CALCB: variants seen among roughly 807,000 people sequenced by gnomAD.
CALCB encodes the protein calcitonin gene-related peptide 2.
Under a neutral mutation model 10.7 loss-of-function variants are expected in CALCB, and 8 were observed. The ratio of observed to expected loss-of-function variants is 0.75; its 90% CI spans 0.44 to 1.34. The LOEUF (loss-of-function observed/expected upper bound fraction) is 1.34, where lower values mean the gene tolerates loss of function less well. Ranked by LOEUF, CALCB falls within the 40% of genes most tolerant of loss-of-function variation. The probability of loss-of-function intolerance (pLI) is 0.01; values close to 1 mark genes in which losing one functional copy is unlikely to be tolerated. For synonymous variants in CALCB, 76 were observed against 66.9 expected, an observed-to-expected ratio of 1.14 and a Z score of -0.66; for missense variants, 176 against 162.5, an observed-to-expected ratio of 1.08 and a Z score of -0.45.
At chr11:15,074,276 C>T (rs1850374018) in intron 1 of CALCB, among the ~76,000 whole-genome samples, 2 of 152,238 alleles carry the variant, frequency 1.3e-5, no homozygotes, top group African/African-American at 2.4e-5. Flanking sequence ...GAGAAATGAG[C>T]GCTCCTTTCC....
chr11:15,074,824 G>A lies in CALCB; in HGVS notation c.86+20G>A. ...ATTCAGGTGAGACAGCCTGGAGCCAGAGGCGCCTTCTGCTCCCACTGCCCC... is the reference window on the plus strand; with the variant it reads ...ATTCAGGTGAGACAGCCTGGAGCCAAAGGCGCCTTCTGCTCCCACTGCCCC... On this transcript the variant is annotated intron_variant, in intron 2 of 4. Coordinates refer to ENST00000324229, the MANE Select transcript of CALCB (RefSeq NM_000728.4). 3 of 1,603,868 alleles carry A rather than the reference G, an allele frequency of 1.9e-6. No homozygotes were observed. Among genetic ancestry groups the A allele is most frequent in the South Asian group, 1.1e-5 (1 of 90,236 alleles).
intron 3 of CALCB, among the ~76,000 whole-genome samples, chr11:15,075,548 T>A (rs1850387132): frequency 6.6e-6 from 1 of 152,162 alleles, no homozygotes; most frequent in African/African-American, 2.4e-5. Context: ...CTGGGAGATC[T>A]CCTAGCATTG....
chr11:15,076,171 T>C (rs58858617), intron 3 of CALCB, among the ~76,000 whole-genome samples: 11,814 of 152,216 alleles, frequency 0.078, 475 homozygotes, highest in Non-Finnish European at 0.089. Context: ...CCCTTGCAGC[T>C]TGAGCAGTCC....
intron 3 of CALCB, among the ~76,000 whole-genome samples, chr11:15,075,840 C>A (rs1227996514): frequency 6.6e-6 from 1 of 152,148 alleles, no homozygotes; most frequent in Non-Finnish European, 1.5e-5. Flanking sequence ...TGAGCCTGAG[C>A]AGAGACCAAC....
At chr11:15,076,894 CTTCT>C (rs1002148091) in intron 3 of CALCB, among the ~76,000 whole-genome samples, 1 of 152,180 alleles carries the variant, frequency 6.6e-6, no homozygotes, top group African/African-American at 2.4e-5. Context: ...GTTCTCTGAG[CTTCT>C]TCTGAAGACT....
At chr11:15,077,535 A>G in intron 4 of CALCB, 65 bp downstream of exon 4, 1 of 1,504,506 alleles carries the variant, frequency 6.6e-7, no homozygotes, top group Non-Finnish European at 9.0e-7. Context: ...TACATTTTGA[A>G]AACCTCTGCT....
chr11:15,077,580 C>T, intron 4 of CALCB, 110 bp downstream of exon 4: 1 of 1,097,088 alleles, frequency 9.1e-7, no homozygotes, highest in Non-Finnish European at 1.3e-6. Context: ...TGTCCAGTTA[C>T]ATTGTTCCTC....
rs774965950 is a variant in CALCB, at chr11:15,074,848, C to G, written c.86+44C>G. ...AGAGGCGCCTTCTGCTCCCACTGCC[C>G]CTAGGACCAGACAGCTCTGTGCCTC... On this transcript the variant is annotated intron_variant, in intron 2 of 4. Coordinates refer to ENST00000324229, the MANE Select transcript of CALCB (RefSeq NM_000728.4). 36 of 1,544,716 alleles carry G rather than the reference C, an allele frequency of 2.3e-5. No homozygotes were observed. The South Asian group carries it at 4.1e-4, about 18-fold the overall frequency.
At chr11:15,074,980 G>A (rs1275123780) in intron 2 of CALCB, 81 bp from the exon 3 acceptor site, 2 of 1,560,796 alleles carry the variant, frequency 1.3e-6, no homozygotes, top group South Asian at 1.1e-5. Context: ...AAGAAGCAGA[G>A]ACCAGGAAGC....
chr11:15,075,691 G>A (rs1850388102), intron 3 of CALCB, among the ~76,000 whole-genome samples: 1 of 152,194 alleles, frequency 6.6e-6, no homozygotes, highest in South Asian at 2.1e-4. Flanking sequence ...AGGTGAAGAT[G>A]AAGCCCTTGC....
chr11:15,075,305 G>A (rs938199356), intron 3 of CALCB, 107 bp downstream of exon 3: 34 of 1,571,200 alleles, frequency 2.2e-5, no homozygotes, highest in Admixed American at 1.0e-4. Flanking sequence ...GGTCCAGCAA[G>A]CTGATTTGTC....
chr11:15,077,364 G>A lies in CALCB; in HGVS notation c.303G>A (p.Gly101=). 6.2e-7 allele frequency: 1 copy of A among 1,614,240 alleles called. No homozygotes were observed. The highest frequency in any genetic ancestry group is 8.5e-7 in the Non-Finnish European group (1 of 1,180,044). Residue 101 remains glycine, a synonymous_variant, in exon 4 of 5, where the codon GGG becomes GGA. Transcript: ENST00000324229. ...HRLAGLLSRS[G]GMVKSNFVPT... The stretch of plus-strand genomic sequence containing the variant: ...TGGCAGGCTTGCTGAGCAGATCAGG[G>A]GGCATGGTGAAGAGCAACTTCGTGC...
At position 15,074,787 on chromosome 11, in the gene CALCB, C is replaced by T. The variant is rs376322094; in HGVS notation, c.69C>T (p.Leu23=). 6.2e-7 allele frequency: 1 copy of T among 1,613,724 alleles called. No individual in the cohort carries two copies. Among genetic ancestry groups the T allele is most frequent in the Admixed American group, 1.7e-5 (1 of 59,942 alleles). ...TGGTCCTGTACCAGGCGGGCAGCCTCCAGGCGGCGCCATTCAGGTGAGACA... is the reference window on the plus strand; with the variant it reads ...TGGTCCTGTACCAGGCGGGCAGCCTTCAGGCGGCGCCATTCAGGTGAGACA... ...SILVLYQAGS[L]QAAPFRSALE... is the part of the protein sequence containing the mutation. The change falls in exon 2 of 5, where the codon CTC becomes CTT. Residue 23 remains leucine (L), a synonymous_variant. Transcript: ENST00000324229.
chr11:15,075,465 A>T (rs537663109), intron 3 of CALCB, among the ~76,000 whole-genome samples: 1 of 152,220 alleles, frequency 6.6e-6, no homozygotes, highest in Non-Finnish European at 1.5e-5. Context: ...GAAAAAACTC[A>T]ATTTGTGAAA....
intron 3 of CALCB, among the ~76,000 whole-genome samples, 192 bp downstream of exon 3, chr11:15,075,390 C>T (rs1451585187): frequency 6.6e-6 from 1 of 152,148 alleles, no homozygotes; most frequent in East Asian, 1.9e-4. Flanking sequence ...TGTGGTTAGA[C>T]ACAATAAAAA....
intron 3 of CALCB, among the ~76,000 whole-genome samples, chr11:15,077,013 T>C (rs1156367920): frequency 6.6e-6 from 1 of 152,190 alleles, no homozygotes; most frequent in African/African-American, 2.4e-5. Context: ...CTGGGCCTCG[T>C]TGCCCACTTC....
intron 3 of CALCB, among the ~76,000 whole-genome samples, chr11:15,075,922 T>C (rs1473008346): frequency 2.0e-5 from 3 of 152,144 alleles, no homozygotes; most frequent in East Asian, 3.9e-4. Context: ...AACCTCTCTG[T>C]TGAGCATGAA....
At position 15,074,799 on chromosome 11, in the gene CALCB, A is replaced by G; in HGVS notation, c.81A>G (p.Pro27=). Residue 27 remains proline (P), a synonymous_variant, in exon 2 of 5, where the codon CCA becomes CCG. Transcript: ENST00000324229. ...LYQAGSLQAA[P]FRSALESSPD... ...AGGCGGGCAGCCTCCAGGCGGCGCC[A>G]TTCAGGTGAGACAGCCTGGAGCCAG... 1 of 1,613,510 alleles carries G rather than the reference A, an allele frequency of 6.2e-7. No homozygotes were observed. Among genetic ancestry groups the G allele is most frequent in the Non-Finnish European group, 8.5e-7 (1 of 1,179,654 alleles).
intron 4 of CALCB, among the ~76,000 whole-genome samples, chr11:15,077,716 G>A (rs1850408934): frequency 6.6e-6 from 1 of 152,162 alleles, no homozygotes; most frequent in South Asian, 2.1e-4. Flanking sequence ...AAAGGGAGAG[G>A]TCTGCAAACC....
Sources: allele counts gnomAD v4.1 joint callset (sites outside exome capture counted in the v4.1 genomes callset), GRCh38; gene constraint gnomAD v4.1.1; transcripts MANE v1.5; gene names NCBI Gene and HGNC (gene_info 2026-07-23, HGNC 2026-07-21).